Variants in PLCH1 observed in about 807,000 individuals in gnomAD.
PLCH1 encodes phospholipase C eta 1.
A neutral mutation model predicts 126.7 loss-of-function variants in PLCH1; 60 were observed. The observed-to-expected ratio is 0.47, with a 90% CI of 0.38 to 0.59. PLCH1 has a LOEUF of 0.59. Among genes scored for constraint, PLCH1 ranks in the 20% least tolerant of loss-of-function variants. The probability of loss-of-function intolerance (pLI) is 0.00; values close to 1 mark genes in which losing one functional copy is unlikely to be tolerated. For synonymous variants in PLCH1, 719 were observed against 734.9 expected (o/e 0.98, Z 0.35); for missense variants, 1,723 against 2,040.0 (o/e 0.84, Z 2.99).
intron 2 of PLCH1, among the ~76,000 whole-genome samples, chr3:155,605,806 T>C (rs1352137126): frequency 6.6e-6 from 1 of 152,206 alleles, no homozygotes; most frequent in Non-Finnish European, 1.5e-5. Context: ...AACTTCTAAC[T>C]TCCTGTGTTG....
intron 2 of PLCH1, among the ~76,000 whole-genome samples, chr3:155,614,394 C>A (rs1735517020): frequency 6.6e-6 from 1 of 152,020 alleles, no homozygotes; most frequent in Non-Finnish European, 1.5e-5. Context: ...CAACTTCAAA[C>A]TATACTACAA....
chr3:155,600,780 G>A (rs1733618411), intron 2 of PLCH1, among the ~76,000 whole-genome samples: 1 of 152,062 alleles, frequency 6.6e-6, no homozygotes, highest in Admixed American at 6.5e-5. Flanking sequence ...TCTTTCATTT[G>A]TATTATAACA....
chr3:155,532,065 A>G (rs990263534), intron 10 of PLCH1, among the ~76,000 whole-genome samples: 1 of 152,246 alleles, frequency 6.6e-6, no homozygotes, highest in Non-Finnish European at 1.5e-5. Context: ...CAAGAGGCCC[A>G]GCTTTCAGCC....
intron 2 of PLCH1, among the ~76,000 whole-genome samples, chr3:155,641,918 A>G (rs1321573241): frequency 1.3e-5 from 2 of 152,198 alleles, no homozygotes; most frequent in Admixed American, 1.3e-4. Context: ...AAATAAGACC[A>G]CTAATGCTAA....
chr3:155,725,075 G>A (rs938528067), intron 1 of PLCH1, among the ~76,000 whole-genome samples: 1 of 152,018 alleles, frequency 6.6e-6, no homozygotes, highest in Admixed American at 6.6e-5. Context: ...CCTGATAATT[G>A]TTTTGTTTAA....
At chr3:155,603,492 C>A (rs1206548115) in intron 2 of PLCH1, among the ~76,000 whole-genome samples, 1 of 152,164 alleles carries the variant, frequency 6.6e-6, no homozygotes, top group Non-Finnish European at 1.5e-5. Context: ...TTGATAACAG[C>A]ATCTGCCCAC....
intron 2 of PLCH1, among the ~76,000 whole-genome samples, chr3:155,608,352 G>A (rs1734610767): frequency 6.6e-6 from 1 of 152,198 alleles, no homozygotes; most frequent in Admixed American, 6.5e-5. Context: ...AATTGCTGCA[G>A]GAGCCATGGC....
intron 15 of PLCH1, among the ~76,000 whole-genome samples, chr3:155,495,421 C>T (rs1048706800): frequency 6.6e-6 from 1 of 152,158 alleles, no homozygotes; most frequent in African/African-American, 2.4e-5. Flanking sequence ...AGAACCCATA[C>T]CCTATCCCCA....
Position 155,614,943 on chromosome 3 carries a change from C to T in PLCH1, c.80-18565G>A, listed in dbSNP as rs1287695082. On this transcript the variant is annotated intron_variant, in intron 2 of 22. Coordinates refer to ENST00000460012, the MANE Select transcript of PLCH1 (RefSeq NM_014996.4). ...ACAAAGATAAATAGATGGGACCTAA[C>T]TAAACTAAAAAGCTTCTGCACAGCA... Among the ~76,000 whole-genome samples, 6 of 151,986 alleles carry T rather than the reference C, an allele frequency of 3.9e-5. No individual in the cohort carries two copies. The East Asian group carries it at 1.2e-3, about 29-fold the overall frequency.
At chr3:155,560,349 G>C (rs1007833159) in intron 8 of PLCH1, among the ~76,000 whole-genome samples, 3 of 152,150 alleles carry the variant, frequency 2.0e-5, no homozygotes, top group Non-Finnish European at 2.9e-5. Flanking sequence ...TAATGGCTGA[G>C]AGCAGAATGT....
chr3:155,633,347 A>C (rs1220872011), intron 2 of PLCH1, among the ~76,000 whole-genome samples: 1 of 71,218 alleles, frequency 1.4e-5, no homozygotes. Context: ...AGTTTTCTTC[A>C]AAAAAAAAAA....
At chr3:155,706,769 G>T (rs1431343094) in intron 1 of PLCH1, among the ~76,000 whole-genome samples, 1 of 152,054 alleles carries the variant, frequency 6.6e-6, no homozygotes, top group African/African-American at 2.4e-5. Flanking sequence ...CCAAGATGAG[G>T]TCACAAGAAG....
chr3:155,676,124 A>G (rs1744061585), intron 2 of PLCH1: 1 of 1,402,880 alleles, frequency 7.1e-7, no homozygotes, highest in East Asian at 2.7e-5. Flanking sequence ...CACATTTCCA[A>G]AAAGGGTGGG....
intron 2 of PLCH1, among the ~76,000 whole-genome samples, chr3:155,699,251 A>G (rs1366933580): frequency 6.6e-6 from 1 of 151,860 alleles, no homozygotes. Flanking sequence ...AATTTTTTGT[A>G]TTTTTAATAG....
chr3:155,528,543 C>G (rs1722264033), intron 10 of PLCH1, among the ~76,000 whole-genome samples: 1 of 152,148 alleles, frequency 6.6e-6, no homozygotes, highest in Non-Finnish European at 1.5e-5. Flanking sequence ...CAAGATGAAA[C>G]TGTACACAAG....
chr3:155,567,556 T>C (rs1728681923), intron 7 of PLCH1, among the ~76,000 whole-genome samples: 1 of 152,186 alleles, frequency 6.6e-6, no homozygotes, highest in African/African-American at 2.4e-5. Flanking sequence ...TGGTCTTTCA[T>C]TAAAGATCAT....
At chr3:155,698,363 A>G (rs192369146) in intron 2 of PLCH1, among the ~76,000 whole-genome samples, 8 of 152,324 alleles carry the variant, frequency 5.3e-5, no homozygotes, top group Non-Finnish European at 7.3e-5. Context: ...TGTTCCCAAA[A>G]GGTCATAGAA....
At chr3:155,633,083 AG>A (rs1738240594) in intron 2 of PLCH1, among the ~76,000 whole-genome samples, 1 of 152,024 alleles carries the variant, frequency 6.6e-6, no homozygotes, top group South Asian at 2.1e-4. Context: ...ATCCTATTGC[AG>A]GGGCTGGAGG....
At chr3:155,532,452 G>A (rs940150367) in intron 10 of PLCH1, among the ~76,000 whole-genome samples, 1 of 152,142 alleles carries the variant, frequency 6.6e-6, no homozygotes, top group African/African-American at 2.4e-5. Flanking sequence ...TGGTTTGGCT[G>A]TGTCCCCACC....
Sources: allele counts gnomAD v4.1 joint callset (sites outside exome capture counted in the v4.1 genomes callset), GRCh38; gene constraint gnomAD v4.1.1; transcripts MANE v1.5; gene names NCBI Gene and HGNC (gene_info 2026-07-23, HGNC 2026-07-21).